The following DENND1B variants were observed in gnomAD, a reference collection of about 807,000 sequenced individuals.
DENND1B encodes the protein DENN domain-containing protein 1B.
DENND1B carries 59 observed loss-of-function variants against 90.1 expected under a neutral mutation model. The observed-to-expected ratio is 0.65, with a 90% CI of 0.53 to 0.81. DENND1B has a LOEUF of 0.81. Among genes scored for constraint, DENND1B ranks in the 40% least tolerant of loss-of-function variants. The pLI, the probability that DENND1B is intolerant of heterozygous loss-of-function variation, is 0.00. For synonymous variants in DENND1B, 337 were observed against 324.6 expected (o/e 1.04, Z -0.41); for missense variants, 862 against 912.6 (o/e 0.94, Z 0.71).
At chr1:197,597,801 T>A (rs879272971) in intron 13 of DENND1B, among the ~76,000 whole-genome samples, 4 of 151,874 alleles carry the variant, frequency 2.6e-5, no homozygotes, top group Non-Finnish European at 4.4e-5. Context: ...TCTAGAACTA[T>A]GCTGGCCAAT....
chr1:197,730,961 TCAC>T (rs1056400086), intron 2 of DENND1B, among the ~76,000 whole-genome samples: 11 of 152,114 alleles, frequency 7.2e-5, no homozygotes, highest in African/African-American at 2.2e-4. Context: ...ATAGGGTTGA[TCAC>T]TTTAAAAATT....
At chr1:197,676,370 A>C (rs1656076280) in intron 3 of DENND1B, among the ~76,000 whole-genome samples, 1 of 152,086 alleles carries the variant, frequency 6.6e-6, no homozygotes, top group African/African-American at 2.4e-5. Flanking sequence ...TTTATTACAA[A>C]AGTGTGTGTG....
At chr1:197,758,633 T>G (rs1654609494) in intron 2 of DENND1B, among the ~76,000 whole-genome samples, 1 of 152,180 alleles carries the variant, frequency 6.6e-6, no homozygotes, top group African/African-American at 2.4e-5. Context: ...CCAAGAACTA[T>G]GTTTCAACTC....
Position 197,726,200 on chromosome 1 carries a change from T to C in DENND1B, c.83-11126A>G, listed in dbSNP as rs181732198. ...CAATGGAAACTCTCCCAGTAGATTA[T>C]AGTGGGTGTTTTATGAACCTGACGT... On this transcript the variant is annotated intron_variant, in intron 2 of 22. Coordinates refer to ENST00000620048, the MANE Select transcript of DENND1B (RefSeq NM_001195215.2). 2.3e-3 allele frequency among the ~76,000 whole-genome samples: 348 copies of C among 152,214 alleles called. 1 individual carries two copies. The highest frequency in any genetic ancestry group is 8.0e-3 in the African/African-American group (333 of 41,538).
intron 10 of DENND1B, among the ~76,000 whole-genome samples, chr1:197,627,012 G>C (rs1485080056): frequency 1.3e-5 from 2 of 152,054 alleles, no homozygotes; most frequent in Admixed American, 6.6e-5. Context: ...CCAATAACAG[G>C]ATCTGAAATT....
At chr1:197,662,472 T>G (rs759314453) in intron 5 of DENND1B, among the ~76,000 whole-genome samples, 7 of 152,206 alleles carry the variant, frequency 4.6e-5, no homozygotes, top group Middle Eastern at 6.8e-3. Context: ...ATCTTGGGAT[T>G]AGAACCCTAA....
intron 15 of DENND1B, among the ~76,000 whole-genome samples, chr1:197,553,713 C>T (rs1671449353): frequency 6.6e-6 from 1 of 152,060 alleles, no homozygotes; most frequent in African/African-American, 2.4e-5. Context: ...ATAATTTTAA[C>T]CATTTACAAT....
intron 17 of DENND1B, among the ~76,000 whole-genome samples, chr1:197,546,385 C>T (rs932505130): frequency 2.6e-5 from 4 of 152,082 alleles, no homozygotes; most frequent in Non-Finnish European, 5.9e-5. Flanking sequence ...ATTTAAAAAT[C>T]ATATTAACAA....
At chr1:197,669,961 A>T (rs1655323371) in intron 5 of DENND1B, among the ~76,000 whole-genome samples, 1 of 152,090 alleles carries the variant, frequency 6.6e-6, no homozygotes, top group Admixed American at 6.6e-5. Context: ...ATATACCACA[A>T]AATTCAGGCG....
At chr1:197,701,117 G>A (rs977351081) in intron 3 of DENND1B, among the ~76,000 whole-genome samples, 12 of 152,136 alleles carry the variant, frequency 7.9e-5, no homozygotes, top group African/African-American at 2.2e-4. Flanking sequence ...CTACTATAAA[G>A]ACACACGTAC....
intron 15 of DENND1B, among the ~76,000 whole-genome samples, chr1:197,577,981 AT>A (rs1235712618): frequency 6.6e-6 from 1 of 152,216 alleles, no homozygotes; most frequent in Non-Finnish European, 1.5e-5. Context: ...AAAAATATAT[AT>A]GTTTTAACAC....
At chr1:197,764,192 T>C (rs1304993695) in intron 2 of DENND1B, among the ~76,000 whole-genome samples, 1 of 152,216 alleles carries the variant, frequency 6.6e-6, no homozygotes, top group East Asian at 1.9e-4. Context: ...GTCTTACTCT[T>C]AAGTCTGTGT....
chr1:197,597,381 T>C (rs1406717117), intron 13 of DENND1B, among the ~76,000 whole-genome samples: 1 of 151,540 alleles, frequency 6.6e-6, no homozygotes, highest in Admixed American at 6.6e-5. Flanking sequence ...CTTTTTAAAG[T>C]ATTATTATAT....
chr1:197,777,193 G>C (rs962282471), upstream of DENND1B, among the ~76,000 whole-genome samples: 4 of 152,088 alleles, frequency 2.6e-5, no homozygotes, highest in Non-Finnish European at 4.4e-5. Context: ...TATTTCCAAA[G>C]AAAGGAACCC....
chr1:197,726,498 G>T (rs1661646801), intron 2 of DENND1B, among the ~76,000 whole-genome samples: 1 of 152,162 alleles, frequency 6.6e-6, no homozygotes, highest in South Asian at 2.1e-4. Context: ...GCTAAGATGA[G>T]GGTGAATATC....
chr1:197,701,543 C>G lies in DENND1B; in HGVS notation c.126+13488G>C, dbSNP rs150215601. On this transcript the variant is annotated intron_variant, in intron 3 of 22. Coordinates refer to ENST00000620048, the MANE Select transcript of DENND1B (RefSeq NM_001195215.2). The stretch of plus-strand genomic sequence containing the variant: ...TGCAGGTTCTGTACTTGTATCCCCC[C>G]CTTCCCCGGCTTTTTTTTTTTAAGA... 7.5e-3 allele frequency among the ~76,000 whole-genome samples: 1,134 copies of G among 151,524 alleles called. 10 individuals are homozygous for G. Among genetic ancestry groups the G allele is most frequent in the Non-Finnish European group, 0.011 (767 of 67,794 alleles).
chr1:197,552,756 T>C (rs1423311101), intron 16 of DENND1B: 1 of 1,227,712 alleles, frequency 8.1e-7, no homozygotes, highest in Non-Finnish European at 1.0e-6. Context: ...ATTGGATTTC[T>C]GTATTACTAA....
intron 10 of DENND1B, among the ~76,000 whole-genome samples, chr1:197,624,459 A>G (rs1049176564): frequency 6.6e-6 from 1 of 151,732 alleles, no homozygotes; most frequent in Non-Finnish European, 1.5e-5. Flanking sequence ...ATGCAAAACT[A>G]TAAAACTCCT....
chr1:197,626,258 C>T (rs1203556242), intron 10 of DENND1B, among the ~76,000 whole-genome samples: 2 of 151,986 alleles, frequency 1.3e-5, no homozygotes, highest in African/African-American at 4.8e-5. Context: ...CCAAAATTGA[C>T]CACATAGTTG....
Sources: gnomAD v4.1 joint callset for allele counts (sites outside exome capture counted in the v4.1 genomes callset) on GRCh38, gnomAD v4.1.1 for gene constraint, MANE v1.5 for transcripts, NCBI Gene and HGNC (gene_info 2026-07-23, HGNC 2026-07-21) for gene names.